Variants in FOXN2 observed in about 807,000 individuals in gnomAD.
The protein encoded by FOXN2 is forkhead box N2.
FOXN2 carries 19 observed loss-of-function variants against 41.2 expected under a neutral mutation model. That is an observed-to-expected ratio of 0.46 (90% confidence interval 0.32 to 0.68). The LOEUF (loss-of-function observed/expected upper bound fraction) is 0.68. Among genes scored for constraint, FOXN2 ranks in the 30% least tolerant of loss-of-function variants. The pLI, the probability that FOXN2 is intolerant of heterozygous loss-of-function variation, is 0.03. For synonymous variants in FOXN2, 195 were observed against 176.8 expected, an observed-to-expected ratio of 1.10 and a Z score of -0.82; for missense variants, 587 against 509.4, an observed-to-expected ratio of 1.15 and a Z score of -1.47.
At chr2:48,357,088 C>G (rs1314188001) in intron 3 of FOXN2, among the ~76,000 whole-genome samples, 7 of 152,102 alleles carry the variant, frequency 4.6e-5, no homozygotes, top group Admixed American at 2.6e-4. Context: ...TGTAGATTAG[C>G]AAATACAGAG....
intron 2 of FOXN2, among the ~76,000 whole-genome samples, chr2:48,338,286 A>T (rs1015956798): frequency 2.0e-5 from 3 of 152,218 alleles, no homozygotes; most frequent in Admixed American, 6.5e-5. Context: ...CTTGCAGCAA[A>T]CAAAAAACTG....
rs1377448443 is a variant in FOXN2, at chr2:48,375,628, G to T, written c.*185G>T. 1.8e-6 allele frequency: 1 copy of T among 554,802 alleles called. No individual in the cohort carries two copies. Among genetic ancestry groups the T allele is most frequent in the African/African-American group, 1.9e-5 (1 of 53,296 alleles). 34.4% of individuals were successfully genotyped at this position (554,802 alleles called of 1,614,324 possible). On this transcript the variant is annotated 3_prime_UTR_variant, in exon 7 of 7. Transcript: ENST00000340553. ...TTGCTGTTAGGATCATGCCTGATCA[G>T]AAATACATGATGTGAAGTCCTAAAA...
intron 2 of FOXN2, among the ~76,000 whole-genome samples, chr2:48,342,071 G>T (rs1176222088): frequency 6.6e-6 from 1 of 152,040 alleles, no homozygotes; most frequent in Non-Finnish European, 1.5e-5. Flanking sequence ...TGAGCTTATT[G>T]TTTTAATTTT....
intron 2 of FOXN2, among the ~76,000 whole-genome samples, chr2:48,343,205 T>C (rs1229901531): frequency 6.6e-6 from 1 of 152,220 alleles, no homozygotes; most frequent in Non-Finnish European, 1.5e-5. Context: ...TTTAGAACCT[T>C]AGGGAAATGG....
chr2:48,346,792 G>T, intron 3 of FOXN2, 41 bp downstream of exon 3: 1 of 1,481,860 alleles, frequency 6.7e-7, no homozygotes, highest in South Asian at 1.4e-5. Context: ...TGAGGTGGGG[G>T]GACTAATTAA....
intron 5 of FOXN2, among the ~76,000 whole-genome samples, chr2:48,367,159 T>C (rs1343916470): frequency 2.0e-5 from 3 of 152,144 alleles, no homozygotes; most frequent in African/African-American, 7.2e-5. Context: ...GTATAATAGA[T>C]AGCAGGAGAC....
chr2:48,315,549 C>T (rs1476648151), intron 1 of FOXN2, among the ~76,000 whole-genome samples: 2 of 152,188 alleles, frequency 1.3e-5, no homozygotes, highest in African/African-American at 4.8e-5. Context: ...GTTACCTTTG[C>T]CTTTTAGTCC....
intron 2 of FOXN2, among the ~76,000 whole-genome samples, chr2:48,331,270 A>G (rs925114552): frequency 6.6e-6 from 1 of 152,234 alleles, no homozygotes; most frequent in African/African-American, 2.4e-5. Flanking sequence ...CTTAGACAAT[A>G]TAATGGATGA....
chr2:48,344,591 CAT>C (rs1214313457), intron 2 of FOXN2, among the ~76,000 whole-genome samples: 5 of 152,156 alleles, frequency 3.3e-5, no homozygotes, highest in Admixed American at 3.3e-4. Context: ...ATTGAGATAT[CAT>C]ATGTAAATTG....
At chr2:48,352,313 C>T (rs1236547793) in intron 3 of FOXN2, among the ~76,000 whole-genome samples, 1 of 152,104 alleles carries the variant, frequency 6.6e-6, no homozygotes, top group African/African-American at 2.4e-5. Context: ...CCACTGACTT[C>T]TTTTCTGTCT....
Position 48,376,571 on chromosome 2 carries a change from C to T in FOXN2, c.*1128C>T, listed in dbSNP as rs1335221674. On this transcript the variant is annotated 3_prime_UTR_variant, in exon 7 of 7. Transcript: ENST00000340553. ...TAAAATTTGATCTTATGCAATACACCTTTTTGAGGAGGCAGTGTAACAACC... is the reference window on the plus strand; with the variant it reads ...TAAAATTTGATCTTATGCAATACACTTTTTTGAGGAGGCAGTGTAACAACC... 6.6e-6 allele frequency: 1 copy of T among 152,306 alleles called. No homozygotes were observed. The highest frequency in any genetic ancestry group is 1.5e-5 in the Non-Finnish European group (1 of 67,894). 9.4% of individuals were successfully genotyped at this position (152,306 alleles called of 1,614,324 possible). A position where few individuals can be genotyped will look rare whatever the true frequency, so the allele number is the denominator to read the frequency against.
At chr2:48,334,517 G>A (rs2104262392) in intron 2 of FOXN2, among the ~76,000 whole-genome samples, 1 of 152,324 alleles carries the variant, frequency 6.6e-6, no homozygotes. Context: ...CACGTACCTG[G>A]ATCAAGGTAC....
intron 5 of FOXN2, among the ~76,000 whole-genome samples, chr2:48,368,985 T>G (rs1672710693): frequency 6.6e-6 from 1 of 152,226 alleles, no homozygotes; most frequent in Non-Finnish European, 1.5e-5. Context: ...AAGAAGTGTT[T>G]GGTTTCACAA....
At chr2:48,361,027 A>G (rs1280352515) in intron 4 of FOXN2, among the ~76,000 whole-genome samples, 1 of 149,172 alleles carries the variant, frequency 6.7e-6, no homozygotes, top group Non-Finnish European at 1.5e-5. Flanking sequence ...AAAAAAAAAA[A>G]GATTATATGA....
chr2:48,345,339 G>A (rs1013858932), intron 2 of FOXN2, among the ~76,000 whole-genome samples: 1 of 152,134 alleles, frequency 6.6e-6, no homozygotes, highest in African/African-American at 2.4e-5. Flanking sequence ...GGTGGTGGGG[G>A]TAGGAGGAGG....
intron 3 of FOXN2, among the ~76,000 whole-genome samples, chr2:48,355,305 G>A (rs1000896819): frequency 6.6e-6 from 1 of 152,154 alleles, no homozygotes. Flanking sequence ...GAATGGGAAA[G>A]GATGCAGTCC....
intron 3 of FOXN2, among the ~76,000 whole-genome samples, chr2:48,356,705 A>G (rs1671816326): frequency 1.3e-5 from 2 of 152,234 alleles, no homozygotes; most frequent in Non-Finnish European, 2.9e-5. Flanking sequence ...CTATTAAAAT[A>G]TACAGGACAA....
At chr2:48,363,005 A>G (rs1672295533) in intron 5 of FOXN2, among the ~76,000 whole-genome samples, 1 of 152,218 alleles carries the variant, frequency 6.6e-6, no homozygotes, top group East Asian at 1.9e-4. Context: ...TGTATTTACT[A>G]TACTTTTTAC....
chr2:48,374,992 G>C lies in FOXN2; in HGVS notation c.845G>C (p.Ser282Thr), dbSNP rs1673144714. The C allele has an allele frequency of 6.2e-7, 1 of 1,613,966 alleles. No individual in the cohort carries two copies. Among genetic ancestry groups the C allele is most frequent in the Non-Finnish European group, 8.5e-7 (1 of 1,179,936 alleles). ...TACGGCAATGCATTTCATCATCCCA[G>C]TGCTGTACGATTACAAGAGAGTGAT... ...RSYGNAFHHPSAVRLQESDSL... is the reference protein window; with the variant it reads ...RSYGNAFHHPTAVRLQESDSL... The change falls in exon 7 of 7, where the codon AGT (serine) becomes ACT (threonine). Residue 282 changes from serine (S) to threonine (T), a missense_variant. By Grantham distance (58) the Ser-to-Thr change is moderately conservative. Transcript: ENST00000340553.
Sources: allele counts gnomAD v4.1 joint callset (sites outside exome capture counted in the v4.1 genomes callset), GRCh38; gene constraint gnomAD v4.1.1; transcripts MANE v1.5; gene names NCBI Gene and HGNC (gene_info 2026-07-23, HGNC 2026-07-21).